KAZN: variants seen among roughly 807,000 people sequenced by gnomAD.
The protein encoded by KAZN is kazrin.
Under a neutral mutation model 87.4 loss-of-function variants are expected in KAZN, and 40 were observed. The observed-to-expected ratio is 0.46, with a 90% CI of 0.36 to 0.60. The LOEUF (loss-of-function observed/expected upper bound fraction) is 0.60, where lower values mean the gene tolerates loss of function less well. KAZN is among the 20% of genes least tolerant of loss of function. KAZN has a pLI of 0.00. For missense variants in KAZN, 898 were observed against 1,073.9 expected (o/e 0.84, Z 2.29); for synonymous variants, 466 against 458.3 (o/e 1.02, Z -0.22).
chr1:14,866,037 T>C (rs1234155370), intron 1 of KAZN, among the ~76,000 whole-genome samples: 3 of 152,192 alleles, frequency 2.0e-5, no homozygotes, highest in Non-Finnish European at 4.4e-5. Context: ...ATTTCCGTTG[T>C]TCTGAGCCAT....
chr1:14,085,083 T>C (rs1643814025), intron 1 of KAZN, among the ~76,000 whole-genome samples: 1 of 152,218 alleles, frequency 6.6e-6, no homozygotes. Flanking sequence ...AGATTCCCAA[T>C]ACTTTCAGTG....
chr1:14,713,605 C>T (rs556772800), intron 1 of KAZN, among the ~76,000 whole-genome samples: 1 of 151,818 alleles, frequency 6.6e-6, no homozygotes, highest in Non-Finnish European at 1.5e-5. Flanking sequence ...GTACAGAGGA[C>T]GGCCCTCACA....
At chr1:14,955,824 G>A (rs908635265) in intron 1 of KAZN, among the ~76,000 whole-genome samples, 32 of 152,184 alleles carry the variant, frequency 2.1e-4, no homozygotes, top group Non-Finnish European at 7.3e-5. Context: ...TGCCTGCCCC[G>A]CCTCCCTCCT....
intron 1 of KAZN, among the ~76,000 whole-genome samples, chr1:14,603,946 T>G (rs1677164439): frequency 6.6e-6 from 1 of 152,198 alleles, no homozygotes; most frequent in Non-Finnish European, 1.5e-5. Context: ...ATGTTTTCTT[T>G]ATGTATTATA....
At chr1:14,044,929 A>T (rs1040518542) in intron 1 of KAZN, among the ~76,000 whole-genome samples, 36 of 152,042 alleles carry the variant, frequency 2.4e-4, no homozygotes, top group African/African-American at 8.5e-4. Flanking sequence ...ATCAGACCAC[A>T]TACTCTGGGG....
At chr1:14,522,130 T>G (rs954573451) in intron 2 of KAZN, among the ~76,000 whole-genome samples, 46 of 152,208 alleles carry the variant, frequency 3.0e-4, no homozygotes, top group Non-Finnish European at 6.2e-4. Flanking sequence ...GTCCCCTGCC[T>G]TTTGCCAATG....
chr1:13,914,297 G>C (rs1393464879), intron 1 of KAZN, among the ~76,000 whole-genome samples: 1 of 152,198 alleles, frequency 6.6e-6, no homozygotes, highest in Non-Finnish European at 1.5e-5. Flanking sequence ...TGTGAGCCTG[G>C]CAGTTCATTT....
intron 1 of KAZN, among the ~76,000 whole-genome samples, chr1:14,839,499 A>G (rs1197717641): frequency 6.6e-6 from 1 of 152,202 alleles, no homozygotes; most frequent in Non-Finnish European, 1.5e-5. Flanking sequence ...CCCTAAATGA[A>G]CATGAGCTAT....
At chr1:14,761,594 C>T (rs1050366346) in intron 1 of KAZN, among the ~76,000 whole-genome samples, 6 of 152,156 alleles carry the variant, frequency 3.9e-5, no homozygotes, top group Admixed American at 1.3e-4. Flanking sequence ...TTTTGAACCA[C>T]GGAAAACATT....
At chr1:14,824,316 G>A (rs1646821112) in intron 1 of KAZN, among the ~76,000 whole-genome samples, 1 of 152,088 alleles carries the variant, frequency 6.6e-6, no homozygotes, top group Non-Finnish European at 1.5e-5. Context: ...GAACCAGCAG[G>A]GCAGGAGACC....
chr1:13,955,309 C>T (rs963633328), intron 1 of KAZN, among the ~76,000 whole-genome samples: 1 of 151,968 alleles, frequency 6.6e-6, no homozygotes, highest in Non-Finnish European at 1.5e-5. Flanking sequence ...CATTAGTATA[C>T]CTGAGTGTTA....
chr1:14,400,884 C>T (rs756810147), intron 2 of KAZN, among the ~76,000 whole-genome samples: 5 of 152,128 alleles, frequency 3.3e-5, no homozygotes, highest in South Asian at 4.1e-4. Context: ...TCCTATCTGC[C>T]GTGTGTGTAT....
chr1:14,310,880 A>G (rs887565058), intron 2 of KAZN, among the ~76,000 whole-genome samples: 12 of 152,208 alleles, frequency 7.9e-5, no homozygotes, highest in Non-Finnish European at 1.8e-4. Context: ...TTGGCAGTGA[A>G]GCCAACTATT....
chr1:14,520,325 T>A (rs1671520347), intron 2 of KAZN, among the ~76,000 whole-genome samples: 1 of 151,916 alleles, frequency 6.6e-6, no homozygotes, highest in Admixed American at 6.6e-5. Context: ...GAGACAGACC[T>A]CCCGAGAAGG....
chr1:14,996,444 C>T lies in KAZN; in HGVS notation c.418+35569C>T, dbSNP rs529083633. ...TTAGTCATCACTGTATCATCAGACC[C>T]GGCACAGGGCCTGGCCTACAGTGGG... On this transcript the variant is annotated intron_variant, in intron 2 of 14. Coordinates refer to ENST00000376030, the MANE Select transcript of KAZN (RefSeq NM_201628.3). The surrounding 1 kb of genome is among the most constrained non-coding windows in gnomAD (Gnocchi z 5.9). Among the ~76,000 whole-genome samples the T allele has an allele frequency of 1.3e-5, 2 of 152,292 alleles. No individual in the cohort carries two copies. The highest frequency in any genetic ancestry group is 2.4e-5 in the African/African-American group (1 of 41,538).
intron 1 of KAZN, among the ~76,000 whole-genome samples, chr1:14,120,846 A>G (rs761776061): frequency 4.6e-5 from 7 of 152,176 alleles, no homozygotes; most frequent in Non-Finnish European, 1.0e-4. Flanking sequence ...AATTTGATGT[A>G]GGTTTTAGCT....
intron 1 of KAZN, among the ~76,000 whole-genome samples, chr1:14,917,608 T>A (rs114960983): frequency 0.02 from 3,063 of 152,282 alleles, 114 homozygotes; most frequent in African/African-American, 0.07. Context: ...GCCCGACAAG[T>A]AGTGACCATG....
intron 1 of KAZN, among the ~76,000 whole-genome samples, chr1:14,717,827 C>T (rs886152422): frequency 2.0e-5 from 3 of 152,172 alleles, no homozygotes; most frequent in Admixed American, 6.5e-5. Context: ...AAAAAAAGGT[C>T]GGGCCTTGAT....
chr1:14,193,571 C>T (rs1434000951), intron 2 of KAZN, among the ~76,000 whole-genome samples: 1 of 152,076 alleles, frequency 6.6e-6, no homozygotes, highest in Non-Finnish European at 1.5e-5. Context: ...TTGTATCAGC[C>T]ACCCAGTCTG....
Sources: gnomAD v4.1 joint callset for allele counts (sites outside exome capture counted in the v4.1 genomes callset) on GRCh38, gnomAD v4.1.1 for gene constraint, Gnocchi (gnomAD v3.1) non-coding constraint, MANE v1.5 for transcripts, NCBI Gene and HGNC (gene_info 2026-07-23, HGNC 2026-07-21) for gene names.